The following APP variants were observed in gnomAD, a reference collection of about 807,000 sequenced individuals.
The protein encoded by APP is amyloid beta precursor protein.
A neutral mutation model predicts 101.4 loss-of-function variants in APP; 31 were observed. The observed-to-expected ratio is 0.31, with a 90% CI of 0.23 to 0.41. The LOEUF is 0.41. Ranked by LOEUF, APP falls within the 10% of genes least tolerant of loss-of-function variation. The pLI is 1.00. For missense variants in APP, 839 were observed against 1,003.7 expected (o/e 0.84, Z 2.22); for synonymous variants, 366 against 364.4 (o/e 1.00, Z -0.05).
At chr21:25,947,465 G>A (rs889448319) in intron 13 of APP, among the ~76,000 whole-genome samples, 2 of 152,186 alleles carry the variant, frequency 1.3e-5, no homozygotes, top group African/African-American at 4.8e-5. Context: ...AGAAAACTAG[G>A]AGGCTGTCTT....
intron 5 of APP, among the ~76,000 whole-genome samples, chr21:26,045,138 TA>T (rs2045553718): frequency 1.3e-5 from 2 of 152,238 alleles, no homozygotes; most frequent in African/African-American, 4.8e-5. Flanking sequence ...TTGATCATTT[TA>T]ATAGCTGTTT....
At chr21:26,026,883 A>T (rs1389774489) in intron 5 of APP, among the ~76,000 whole-genome samples, 1 of 152,188 alleles carries the variant, frequency 6.6e-6, no homozygotes, top group Non-Finnish European at 1.5e-5. Context: ...AGGTTCACTG[A>T]TTGTAACAAA....
intron 2 of APP, 103 bp downstream of exon 2, chr21:26,111,876 T>C: frequency 8.0e-7 from 1 of 1,243,694 alleles, no homozygotes; most frequent in Non-Finnish European, 1.2e-6. Flanking sequence ...CCAAGATTTT[T>C]ACTGTAGGGT....
chr21:26,050,815 C>T lies in APP; in HGVS notation c.662+185G>A, dbSNP rs2830026. Among the ~76,000 whole-genome samples the T allele has an allele frequency of 0.7, 105,869 of 152,086 alleles. 37,305 individuals are homozygous for T. Among genetic ancestry groups the T allele is most frequent in the East Asian group, 0.85 (4,421 of 5,182 alleles). On this transcript the variant is annotated intron_variant, in intron 5 of 17. Coordinates refer to ENST00000346798, the MANE Select transcript of APP (RefSeq NM_000484.4). ...TTAAAATTAACTCTGTGATGGGTGA[C>T]TGATATTATTAATTCAACAGGATGC... is the stretch of plus-strand genomic sequence containing the variant.
intron 11 of APP, among the ~76,000 whole-genome samples, chr21:25,971,143 G>C (rs1046449055): frequency 1.3e-5 from 2 of 152,082 alleles, no homozygotes; most frequent in Non-Finnish European, 2.9e-5. Flanking sequence ...TGCCTCCCAG[G>C]TTCAGGTGAT....
intron 2 of APP, among the ~76,000 whole-genome samples, chr21:26,110,671 T>A (rs1048813234): frequency 1.3e-5 from 2 of 152,056 alleles, no homozygotes; most frequent in African/African-American, 4.8e-5. Flanking sequence ...TTAAACCTTT[T>A]AATAATAATA....
At chr21:25,882,603 C>T (rs189625502) in intron 17 of APP, among the ~76,000 whole-genome samples, 2 of 151,868 alleles carry the variant, frequency 1.3e-5, no homozygotes, top group East Asian at 3.9e-4. Context: ...AGGGTACTTA[C>T]CCCTACAACG....
intron 1 of APP, among the ~76,000 whole-genome samples, chr21:26,170,220 T>A (rs1601617804): frequency 6.6e-6 from 1 of 152,178 alleles, no homozygotes; most frequent in East Asian, 1.9e-4. Context: ...CCTTCCCCCC[T>A]GTCTGAATGT....
At chr21:26,084,776 C>T (rs45504595) in intron 3 of APP, among the ~76,000 whole-genome samples, 8,228 of 151,228 alleles carry the variant, frequency 0.054, 277 homozygotes, top group East Asian at 0.096. Context: ...TGTTGAAGAT[C>T]GTATGAATGA....
At chr21:25,953,088 T>C (rs951023031) in intron 13 of APP, among the ~76,000 whole-genome samples, 3 of 115,298 alleles carry the variant, frequency 2.6e-5, no homozygotes, top group East Asian at 2.6e-4. Flanking sequence ...CACTATGAAG[T>C]TGCTTTTTTT....
rs34800671 is a variant in APP, at chr21:25,970,006, AAG to A, written c.1458+5062_1458+5063del. ...GGCAGGAGAGAAAGAGAAACAGAGA[AAG>A]AGAGAGAGAGAGAGAAAATAAATAA... is the stretch of plus-strand genomic sequence containing the variant. On this transcript the variant is annotated intron_variant, in intron 11 of 17. Transcript: ENST00000346798. Among the ~76,000 whole-genome samples, 1,078 of 146,418 alleles carry A rather than the reference AAG, an allele frequency of 7.4e-3. 18 individuals carry two copies. Among genetic ancestry groups the A allele is most frequent in the African/African-American group, 0.024 (964 of 39,684 alleles).
At chr21:25,918,107 G>T (rs1485867675) in intron 13 of APP, among the ~76,000 whole-genome samples, 1 of 152,188 alleles carries the variant, frequency 6.6e-6, no homozygotes, top group Non-Finnish European at 1.5e-5. Flanking sequence ...AACCGTTGTG[G>T]AAGACAGTGA....
chr21:25,904,930 C>T, intron 15 of APP, 94 bp downstream of exon 15: 1 of 1,111,318 alleles, frequency 9.0e-7, no homozygotes, highest in South Asian at 1.3e-5. Context: ...GCAGTAAGTA[C>T]AATTGAGAGA....
chr21:25,903,258 A>G (rs2038603256), intron 15 of APP, among the ~76,000 whole-genome samples: 1 of 151,580 alleles, frequency 6.6e-6, no homozygotes, highest in South Asian at 2.1e-4. Flanking sequence ...AGTCCCAGCT[A>G]CTTGAGAGGC....
rs1214877315 is a variant in APP, at chr21:25,955,747, G to A, written c.1467C>T (p.His489=). 2 of 1,614,002 alleles carry A rather than the reference G, an allele frequency of 1.2e-6. No individual in the cohort carries two copies. Among genetic ancestry groups the A allele is most frequent in the Non-Finnish European group, 8.5e-7 (1 of 1,180,010 alleles). Residue 489 remains histidine, a synonymous_variant, in exon 12 of 18, where the codon CAC becomes CAT. Transcript: ENST00000346798. ...ALQAVPPRPR[H]VFNMLKKYVR... ...CATACTTCTTTAGCATATTGAACAC[G>A]TGACGAGGCTGTGGGAGGAAAATGA...
At position 26,123,225 on chromosome 21, in the gene APP, C is replaced by T. The variant is rs45517834; in HGVS notation, c.58-11079G>A. ...TCCTTTCAAAGTGTCATAACATTTA[C>T]TCATCAGCCTTTACTGTGTGCTTAT... is the stretch of plus-strand genomic sequence containing the variant. On this transcript the variant is annotated intron_variant, in intron 1 of 17. Transcript: ENST00000346798. Among the ~76,000 whole-genome samples, 527 of 152,268 alleles carry T rather than the reference C, an allele frequency of 3.5e-3. 3 individuals carry two copies. Among genetic ancestry groups the T allele is most frequent in the Non-Finnish European group, 5.3e-3 (358 of 68,010 alleles).
At chr21:26,135,421 T>C (rs2062875459) in intron 1 of APP, among the ~76,000 whole-genome samples, 1 of 152,222 alleles carries the variant, frequency 6.6e-6, no homozygotes, top group Non-Finnish European at 1.5e-5. Context: ...TAACAAGTAA[T>C]CATAGAACCA....
intron 1 of APP, among the ~76,000 whole-genome samples, chr21:26,169,004 G>T (rs910971270): frequency 2.0e-5 from 3 of 152,160 alleles, no homozygotes; most frequent in Admixed American, 1.3e-4. Context: ...GGAGGCTGGG[G>T]GAAAAGAGGG....
rs139313767 is a variant in APP at position 25,883,462 on chromosome 21, C to A, written c.2212-1691G>T. On this transcript the variant is annotated intron_variant, in intron 17 of 17. Transcript: ENST00000346798. ...TCCCAGCCCTTTTGGGAGGCCAAGG[C>A]GGGTGGATCACGAGGTCGGGAGTTT... Among the ~76,000 whole-genome samples, 395 of 151,262 alleles carry A rather than the reference C, an allele frequency of 2.6e-3. 4 individuals are homozygous for A. The highest frequency in any genetic ancestry group is 9.3e-3 in the African/African-American group (382 of 41,158).
Sources: gnomAD v4.1 joint callset for allele counts (sites outside exome capture counted in the v4.1 genomes callset) on GRCh38, gnomAD v4.1.1 for gene constraint, MANE v1.5 for transcripts, NCBI Gene and HGNC (gene_info 2026-07-23, HGNC 2026-07-21) for gene names.